The following WDR72 variants were observed in gnomAD, a reference collection of about 807,000 sequenced individuals.
The protein encoded by WDR72 is WD repeat domain 72, also known as WD repeat-containing protein 72.
WDR72 carries 120 observed loss-of-function variants against 124.2 expected under a neutral mutation model. The observed-to-expected ratio is 0.97, with a 90% CI of 0.83 to 1.12. WDR72 has a LOEUF of 1.12. WDR72 is among the 50% of genes most tolerant of loss of function. WDR72 has a pLI of 0.00. For missense variants in WDR72, 1,387 were observed against 1,278.8 expected (o/e 1.08, Z -1.29); for synonymous variants, 452 against 441.7 (o/e 1.02, Z -0.29).
At chr15:53,722,270 G>A (rs1226956501) in intron 3 of WDR72, among the ~76,000 whole-genome samples, 1 of 151,936 alleles carries the variant, frequency 6.6e-6, no homozygotes, top group Non-Finnish European at 1.5e-5. Flanking sequence ...CCTGACCTCA[G>A]GTGATCCGCC....
rs1406581087 is a variant in WDR72, at chr15:53,722,844, T to A, written c.218A>T (p.Asp73Val). The change falls in exon 3 of 20, where the codon GAC becomes GTC. Residue 73 changes from aspartate (D) to valine (V), a missense_variant. Transcript: ENST00000360509. ...AACAATGTAGGGCTGTTTAGAGAAG[T>A]CCCTTGCTCTTGCCAAACATGTTAC... is the stretch of plus-strand genomic sequence containing the variant. ...ASVTCLARAR[D>V]FSKQPYIVSA... 10 of 1,612,748 alleles carry A rather than the reference T, an allele frequency of 6.2e-6. No individual in the cohort carries two copies. Among genetic ancestry groups the A allele is most frequent in the African/African-American group, 2.7e-5 (2 of 73,750 alleles).
rs1045073840 is a variant in WDR72, at chr15:53,615,978, G to A, written c.2228C>T (p.Ala743Val). 4 of 1,613,108 alleles carry A rather than the reference G, an allele frequency of 2.5e-6. No homozygotes were observed. The African/African-American group carries it at 5.3e-5, about 22-fold the overall frequency. ...ACGPLSAEAL[A>V]KPITESLAQG... is the part of the protein sequence containing the mutation. ...GGCCAGGCTTTCAGTAATAGGCTTGGCTAGTGCCTCTGCTGAAAGAGGACC... is the reference window on the plus strand; with the variant it reads ...GGCCAGGCTTTCAGTAATAGGCTTGACTAGTGCCTCTGCTGAAAGAGGACC... The change falls in exon 15 of 20, where the codon GCC becomes GTC. Residue 743 changes from alanine to valine, a missense_variant. Coordinates refer to ENST00000360509, the MANE Select transcript of WDR72 (RefSeq NM_182758.4).
chr15:53,713,411 G>GTATTTTATTTTGTTTTGTTTTGTTT (rs2017606173), intron 6 of WDR72, among the ~76,000 whole-genome samples: 3 of 88,626 alleles, frequency 3.4e-5, no homozygotes, highest in Admixed American at 1.1e-4. Context: ...TTATTTTGTT[G>GTATTTTATTTTGTTTTGTTTTGTTT]TATTTTATTT....
At chr15:53,552,414 C>G (rs1267494525) in intron 18 of WDR72, among the ~76,000 whole-genome samples, 1 of 152,058 alleles carries the variant, frequency 6.6e-6, no homozygotes, top group Non-Finnish European at 1.5e-5. Flanking sequence ...CCAACGTGAC[C>G]TTTACTTTTT....
intron 13 of WDR72, among the ~76,000 whole-genome samples, chr15:53,677,807 C>T (rs2016227074): frequency 6.6e-6 from 1 of 152,146 alleles, no homozygotes; most frequent in Non-Finnish European, 1.5e-5. Context: ...ATATTGTTTT[C>T]TCATCCTCTT....
intron 6 of WDR72, among the ~76,000 whole-genome samples, chr15:53,713,618 A>ATT (rs570465603): frequency 6.9e-6 from 1 of 144,972 alleles, no homozygotes; most frequent in East Asian, 2.0e-4. Flanking sequence ...TCCCTGCTAA[A>ATT]TTTTTTTTTT....
chr15:53,630,290 G>C (rs1292168600), intron 14 of WDR72, among the ~76,000 whole-genome samples: 2 of 152,106 alleles, frequency 1.3e-5, no homozygotes, highest in African/African-American at 4.8e-5. Flanking sequence ...TTAAAGTAGA[G>C]TTAATACCAG....
chr15:53,582,568 C>T (rs572674396), intron 18 of WDR72, among the ~76,000 whole-genome samples: 3 of 151,822 alleles, frequency 2.0e-5, no homozygotes, highest in East Asian at 1.9e-4. Context: ...CTTGTTTCCC[C>T]GAATACCTGA....
chr15:53,561,913 TTTTG>T (rs1416600680), intron 18 of WDR72, among the ~76,000 whole-genome samples: 3 of 151,802 alleles, frequency 2.0e-5, no homozygotes, highest in Admixed American at 1.3e-4. Context: ...ATGTAACCTG[TTTTG>T]TTTATCTTTT....
intron 18 of WDR72, among the ~76,000 whole-genome samples, chr15:53,571,874 A>T (rs1683117616): frequency 6.6e-6 from 1 of 151,716 alleles, no homozygotes; most frequent in South Asian, 2.1e-4. Context: ...CCACATCCTT[A>T]CCAACACTTA....
chr15:53,609,502 T>G lies in WDR72; in HGVS notation c.2952+11A>C. 6.2e-7 allele frequency: 1 copy of G among 1,611,310 alleles called. No individual in the cohort carries two copies. The highest frequency in any genetic ancestry group is 8.5e-7 in the Non-Finnish European group (1 of 1,177,814). On this transcript the variant is annotated intron_variant, in intron 17 of 19. Transcript: ENST00000360509. Reference sequence around the variant, plus strand: ...CTTCTAATAACGTCATGAATGTGAATTATATCATACCTGCACAGACTGGTC... The same window carrying G: ...CTTCTAATAACGTCATGAATGTGAAGTATATCATACCTGCACAGACTGGTC...
intron 18 of WDR72, among the ~76,000 whole-genome samples, chr15:53,584,107 G>A (rs1247734908): frequency 1.3e-5 from 2 of 151,686 alleles, no homozygotes; most frequent in Admixed American, 1.3e-4. Flanking sequence ...AAAAGGAAAG[G>A]GAAAAATTGA....
intron 18 of WDR72, among the ~76,000 whole-genome samples, chr15:53,525,151 G>A (rs1303524454): frequency 1.3e-5 from 2 of 152,038 alleles, no homozygotes; most frequent in Non-Finnish European, 2.9e-5. Flanking sequence ...CATACTTACA[G>A]ATTATTTTTG....
chr15:53,647,730 G>A (rs570853199), intron 14 of WDR72, among the ~76,000 whole-genome samples: 5 of 152,048 alleles, frequency 3.3e-5, no homozygotes, highest in Non-Finnish European at 5.9e-5. Context: ...TAATAAACTT[G>A]AGTTGTTTTA....
Position 53,549,645 on chromosome 15 carries a change from A to T in WDR72, c.3149-26323T>A, listed in dbSNP as rs146749292. ...AGTAACAGACTGACAAAGGGAGATCACTAAAGGAACATTTCAATGGTTAAT... is the reference window on the plus strand; with the variant it reads ...AGTAACAGACTGACAAAGGGAGATCTCTAAAGGAACATTTCAATGGTTAAT... On this transcript the variant is annotated intron_variant, in intron 18 of 19. Transcript: ENST00000360509. 1.6e-4 allele frequency among the ~76,000 whole-genome samples: 24 copies of T among 152,310 alleles called. No homozygotes were observed. The East Asian group carries it at 4.6e-3, about 29-fold the overall frequency.
chr15:53,652,697 C>A (rs2015284045), intron 14 of WDR72, among the ~76,000 whole-genome samples: 1 of 152,064 alleles, frequency 6.6e-6, no homozygotes, highest in African/African-American at 2.4e-5. Flanking sequence ...TTATTTTAGA[C>A]AACTTTGTTA....
chr15:53,592,742 A>G (rs1261264671), intron 18 of WDR72, among the ~76,000 whole-genome samples: 1 of 152,070 alleles, frequency 6.6e-6, no homozygotes, highest in East Asian at 1.9e-4. Context: ...TAATGGAACA[A>G]TTTAGAGCAC....
At chr15:53,751,508 A>G (rs1380504560) in intron 1 of WDR72, among the ~76,000 whole-genome samples, 7 of 152,176 alleles carry the variant, frequency 4.6e-5, no homozygotes, top group African/African-American at 7.2e-5. Context: ...ATTATCGTAT[A>G]CTTAATAGGC....
At chr15:53,739,680 T>A (rs1248905948) in intron 1 of WDR72, among the ~76,000 whole-genome samples, 1 of 152,060 alleles carries the variant, frequency 6.6e-6, no homozygotes, top group Non-Finnish European at 1.5e-5. Flanking sequence ...TGCTCCTGAC[T>A]TTGTATTGCT....
Sources: allele counts gnomAD v4.1 joint callset (sites outside exome capture counted in the v4.1 genomes callset), GRCh38; gene constraint gnomAD v4.1.1; transcripts MANE v1.5; gene names NCBI Gene and HGNC (gene_info 2026-07-23, HGNC 2026-07-21).